The following SP3 variants were observed in gnomAD, a reference collection of about 807,000 sequenced individuals.
The protein encoded by SP3 is transcription factor Sp3.
SP3 carries 10 observed loss-of-function variants against 70.3 expected under a neutral mutation model. That is an observed-to-expected ratio of 0.14 (90% CI 0.09 to 0.24). SP3 has a LOEUF of 0.24. SP3 is among the 10% of genes least tolerant of loss of function. The pLI is 1.00. For missense variants in SP3, 825 were observed against 914.6 expected (o/e 0.90, Z 1.26); for synonymous variants, 402 against 333.5 (o/e 1.21, Z -2.24).
rs1213749093 is a variant in SP3, at chr2:173,909,669, C to T, written c.*272G>A. On this transcript the variant is annotated 3_prime_UTR_variant, in exon 7 of 7. Transcript: ENST00000310015. ...ATGCATTTGGTTAGACTACCATTCG[C>T]ATTGTTAAATTCAATTTTCTCTTTA... is the stretch of plus-strand genomic sequence containing the variant. The T allele has an allele frequency of 7.2e-6, 2 of 277,740 alleles. No homozygotes were observed. Among genetic ancestry groups the T allele is most frequent in the Non-Finnish European group, 1.4e-5 (2 of 145,234 alleles). 17.2% of individuals were successfully genotyped at this position (277,740 alleles called of 1,614,324 possible).
chr2:173,964,720 C>T (rs1222621732), intron 1 of SP3, 167 bp from the exon 2 acceptor site: 1 of 348,716 alleles, frequency 2.9e-6, no homozygotes, highest in African/African-American at 2.4e-5. Flanking sequence ...CTCCTCCCCT[C>T]CTGCTGCTGC....
chr2:173,955,188 G>C lies in SP3; in HGVS notation c.1324C>G (p.Gln442Glu). ...ATTAAAAAGGTTCCAGGATTCAGCT[G>C]CAACTGAAGATTTTGCAAAGCCTGT... ...SQQALQNLQL[Q>E]LNPGTFLIQA... is the part of the protein sequence containing the mutation. Residue 442 changes from glutamine (Q) to glutamate (E), a missense_variant, in exon 4 of 7, where the codon CAG (glutamine) becomes GAG (glutamate). Around this residue, in one of 4 missense-constraint regions of SP3, gnomAD observed 678 missense variants for 651.6 expected, o/e 1.04. Coordinates refer to ENST00000310015, the MANE Select transcript of SP3 (RefSeq NM_003111.5). 2 of 1,614,154 alleles carry C rather than the reference G, an allele frequency of 1.2e-6. No individual in the cohort carries two copies. The highest frequency in any genetic ancestry group is 1.6e-4 in the Middle Eastern group (1 of 6,062).
intron 4 of SP3, among the ~76,000 whole-genome samples, chr2:173,933,797 A>T (rs1315197312): frequency 6.6e-6 from 1 of 151,844 alleles, no homozygotes; most frequent in Non-Finnish European, 1.5e-5. Context: ...GAAATGATAA[A>T]GTGGTAGAGC....
chr2:173,939,974 T>C (rs918433565), intron 4 of SP3, among the ~76,000 whole-genome samples: 4 of 152,008 alleles, frequency 2.6e-5, no homozygotes, highest in Non-Finnish European at 5.9e-5. Flanking sequence ...CTGGGTTCAA[T>C]CAATCCTCCC....
rs1691255938 is a variant in SP3 at position 173,965,201 on chromosome 2, C to T, written c.-30G>A. ...TGTTTAGGGCACCTCAGGCGGGGCTCCCCGCCGCCTTACACATGGTGAGGA... is the reference window on the plus strand; with the variant it reads ...TGTTTAGGGCACCTCAGGCGGGGCTTCCCGCCGCCTTACACATGGTGAGGA... On this transcript the variant is annotated 5_prime_UTR_variant, in exon 1 of 7. Coordinates refer to ENST00000310015, the MANE Select transcript of SP3 (RefSeq NM_003111.5). 6.5e-7 allele frequency: 1 copy of T among 1,546,718 alleles called. No individual in the cohort carries two copies. Among genetic ancestry groups the T allele is most frequent in the Non-Finnish European group, 8.7e-7 (1 of 1,145,300 alleles).
intron 3 of SP3, among the ~76,000 whole-genome samples, chr2:173,961,946 T>TTG (rs1559112140): frequency 4.1e-4 from 62 of 151,152 alleles, no homozygotes; most frequent in African/African-American, 1.4e-3. Context: ...TTTTTTTTTT[T>TTG]TTTTTTTTTT....
rs1018071017 is a variant in SP3, at chr2:173,901,930, C to T, written c.*8011G>A. ...CTCGAACTGCTGACCTCAAGCAATC[C>T]GCTCGACTCAGCTTCCCAAAGTGCT... On this transcript the variant is annotated 3_prime_UTR_variant, in exon 7 of 7. Coordinates refer to ENST00000310015, the MANE Select transcript of SP3 (RefSeq NM_003111.5). 3.3e-5 allele frequency among the ~76,000 whole-genome samples: 5 copies of T among 152,102 alleles called. No individual in the cohort carries two copies. The highest frequency in any genetic ancestry group is 9.7e-5 in the African/African-American group (4 of 41,418).
intron 4 of SP3, among the ~76,000 whole-genome samples, chr2:173,952,711 T>A (rs1324634493): frequency 6.6e-6 from 1 of 152,214 alleles, no homozygotes; most frequent in African/African-American, 2.4e-5. Context: ...GGAACAGTAT[T>A]CAGCCATATA....
In SP3 at chr2:173,947,565, T is replaced by C. The variant is rs887035276; in HGVS notation, c.1639+7308A>G. Among the ~76,000 whole-genome samples, 17 of 152,324 alleles carry C rather than the reference T, an allele frequency of 1.1e-4. No individual in the cohort carries two copies. The South Asian group carries it at 1.4e-3, about 13-fold the overall frequency. ...TACAGGATTTGATTGTTTTTCCGTA[T>C]TTATTGTTTTTGTTTCACTTCTTTT... On this transcript the variant is annotated intron_variant, in intron 4 of 6. Coordinates refer to ENST00000310015, the MANE Select transcript of SP3 (RefSeq NM_003111.5).
chr2:173,953,959 G>T (rs566826092), intron 4 of SP3, among the ~76,000 whole-genome samples: 1 of 152,022 alleles, frequency 6.6e-6, no homozygotes, highest in African/African-American at 2.4e-5. Context: ...TTTATCAAAA[G>T]AAAAAAGGTA....
intron 4 of SP3, among the ~76,000 whole-genome samples, chr2:173,954,120 G>A (rs1014385294): frequency 1.3e-5 from 2 of 152,088 alleles, no homozygotes; most frequent in African/African-American, 4.8e-5. Context: ...ATAAAGTTCA[G>A]GATTTACTGC....
At chr2:173,931,344 T>TTTGTTGTTG (rs111299743) in intron 4 of SP3, among the ~76,000 whole-genome samples, 52,357 of 151,270 alleles carry the variant, frequency 0.35, 9,918 homozygotes, top group African/African-American at 0.49. Flanking sequence ...GCCTGGCATT[T>TTTGTTGTTG]TTGTTGTTGT....
At chr2:173,938,533 T>C (rs1291809666) in intron 4 of SP3, among the ~76,000 whole-genome samples, 1 of 150,064 alleles carries the variant, frequency 6.7e-6, no homozygotes, top group African/African-American at 2.5e-5. Flanking sequence ...AAATCTACGT[T>C]TATTCTGTAT....
intron 3 of SP3, among the ~76,000 whole-genome samples, chr2:173,958,510 T>G (rs1016697317): frequency 2.6e-5 from 4 of 151,488 alleles, no homozygotes; most frequent in Admixed American, 1.3e-4. Flanking sequence ...CAAAGTGATG[T>G]ATTCCGAACT....
intron 4 of SP3, among the ~76,000 whole-genome samples, chr2:173,931,153 A>G (rs1378066014): frequency 6.6e-6 from 1 of 152,222 alleles, no homozygotes; most frequent in African/African-American, 2.4e-5. Context: ...AATGCTAACA[A>G]TCATCTGAGC....
At position 173,964,391 on chromosome 2, in the gene SP3, C is replaced by T. The variant is rs1188690381; in HGVS notation, c.156+14G>A. On this transcript the variant is annotated intron_variant, in intron 2 of 6. Transcript: ENST00000310015. The stretch of plus-strand genomic sequence containing the variant: ...GCGAGGGGGGAGCCGGGCCGGGGTT[C>T]AGCCGCTCCTCACCTGGGCCGCCGC... The T allele has an allele frequency of 2.8e-6, 2 of 703,524 alleles. No individual in the cohort carries two copies. The highest frequency in any genetic ancestry group is 1.9e-5 in the Admixed American group (1 of 51,724). The allele number at this position is 703,524 out of a possible 1,614,324, so 43.6% of individuals were successfully genotyped here. A position where few individuals can be genotyped will look rare whatever the true frequency, so the allele number is the denominator to read the frequency against.
rs548240798 is a variant in SP3 at position 173,946,403 on chromosome 2, G to A, written c.1639+8470C>T. On this transcript the variant is annotated intron_variant, in intron 4 of 6. Transcript: ENST00000310015. ...AAGCAATTCTCCCACCTCAACCTCC[G>A]GAGTAGCTGGAACTAAAGGCATGTA... Among the ~76,000 whole-genome samples, 82 of 151,400 alleles carry A rather than the reference G, an allele frequency of 5.4e-4. No homozygotes were observed. In the South Asian group the frequency reaches 0.015, roughly 29 times the overall value.
intron 4 of SP3, among the ~76,000 whole-genome samples, chr2:173,923,136 A>C (rs1369673858): frequency 6.6e-6 from 1 of 152,120 alleles, no homozygotes; most frequent in African/African-American, 2.4e-5. Flanking sequence ...AGAACTTTAT[A>C]AACAGCACTG....
intron 4 of SP3, among the ~76,000 whole-genome samples, chr2:173,927,097 C>T (rs538945766): frequency 1.3e-5 from 2 of 152,038 alleles, no homozygotes; most frequent in African/African-American, 2.4e-5. Flanking sequence ...GCCACACACA[C>T]TTAACTAGAT....
Sources: allele counts gnomAD v4.1 joint callset (sites outside exome capture counted in the v4.1 genomes callset), GRCh38; gene constraint gnomAD v4.1.1; regional missense constraint gnomAD v4.1.1; transcripts MANE v1.5; gene names NCBI Gene and HGNC (gene_info 2026-07-23, HGNC 2026-07-21).